CNBD1: variants seen among roughly 807,000 people sequenced by gnomAD.
CNBD1 encodes the protein cyclic nucleotide binding domain containing 1.
A neutral mutation model predicts 54.4 loss-of-function variants in CNBD1; 71 were observed. The ratio of observed to expected loss-of-function variants is 1.30; its 90% CI spans 1.08 to 1.59. The LOEUF (loss-of-function observed/expected upper bound fraction) is 1.59. CNBD1 is among the 40% of genes most tolerant of loss of function. The pLI is 0.00. For missense variants in CNBD1, 659 were observed against 518.0 expected (o/e 1.27, Z -2.64); for synonymous variants, 182 against 170.7 (o/e 1.07, Z -0.51).
intron 4 of CNBD1, among the ~76,000 whole-genome samples, chr8:87,128,294 GC>G (rs1434650053): frequency 6.6e-6 from 1 of 152,198 alleles, no homozygotes; most frequent in East Asian, 1.9e-4. Context: ...TGTAAGACAG[GC>G]CCACTTGGGC....
At chr8:86,875,485 A>G (rs1046201483) in intron 1 of CNBD1, among the ~76,000 whole-genome samples, 3 of 152,238 alleles carry the variant, frequency 2.0e-5, no homozygotes, top group African/African-American at 7.2e-5. Context: ...CACTTTGGCA[A>G]GTACTCTAAT....
At chr8:86,915,064 C>T (rs1222754053) in intron 3 of CNBD1, among the ~76,000 whole-genome samples, 2 of 152,110 alleles carry the variant, frequency 1.3e-5, no homozygotes, top group Non-Finnish European at 2.9e-5. Flanking sequence ...ATCAGTTTCT[C>T]AGAGAATTTG....
At chr8:87,195,222 T>C (rs966937871) in intron 4 of CNBD1, among the ~76,000 whole-genome samples, 4 of 139,354 alleles carry the variant, frequency 2.9e-5, no homozygotes, top group African/African-American at 8.0e-5. Context: ...TTTGAGAAAA[T>C]TGATTTTTTT....
At chr8:87,145,057 T>C (rs745492173) in intron 4 of CNBD1, among the ~76,000 whole-genome samples, 4 of 152,052 alleles carry the variant, frequency 2.6e-5, no homozygotes, top group Non-Finnish European at 5.9e-5. Flanking sequence ...TATTTGCAAA[T>C]ATAATGGGTG....
intron 4 of CNBD1, among the ~76,000 whole-genome samples, chr8:87,060,927 A>G (rs11986813): frequency 0.16 from 23,965 of 152,106 alleles, 3,520 homozygotes; most frequent in African/African-American, 0.4. Flanking sequence ...GTCACCAATA[A>G]ATATTCCTTA....
chr8:87,386,097 C>A (rs1010561369), downstream of CNBD1, among the ~76,000 whole-genome samples: 8 of 152,170 alleles, frequency 5.3e-5, no homozygotes, highest in Non-Finnish European at 8.8e-5. Context: ...GACATCCACA[C>A]CAAAACCCCA....
chr8:87,289,947 C>A (rs1328072918), intron 8 of CNBD1, among the ~76,000 whole-genome samples: 1 of 152,070 alleles, frequency 6.6e-6, no homozygotes, highest in African/African-American at 2.4e-5. Context: ...TTCATTCATC[C>A]TTCACTGGTC....
intron 1 of CNBD1, among the ~76,000 whole-genome samples, chr8:86,872,865 G>A (rs1229216844): frequency 6.6e-6 from 1 of 152,112 alleles, no homozygotes; most frequent in Non-Finnish European, 1.5e-5. Flanking sequence ...TCTCCATTCT[G>A]TGGGTTGTCT....
chr8:87,114,190 C>A (rs1460199194), intron 4 of CNBD1, among the ~76,000 whole-genome samples: 1 of 152,158 alleles, frequency 6.6e-6, no homozygotes, highest in African/African-American at 2.4e-5. Flanking sequence ...AAATTGCTCA[C>A]ACACAAATAA....
chr8:86,942,469 T>C (rs1279506208), intron 4 of CNBD1, among the ~76,000 whole-genome samples: 1 of 152,212 alleles, frequency 6.6e-6, no homozygotes, highest in African/African-American at 2.4e-5. Context: ...TTGGCAGGAT[T>C]CAGTTCCTTG....
In CNBD1 at chr8:87,030,934, CTT is replaced by C. The variant is rs1563441922; in HGVS notation, c.431+91181_431+91182del. On this transcript the variant is annotated intron_variant, in intron 4 of 10. Transcript: ENST00000518476. ...CTCCTCCCCCCCTCCTCCTGCCCCC[CTT>C]CCCCCTCCTCCCCCTCTTCCTCTCC... Among the ~76,000 whole-genome samples the C allele has an allele frequency of 9.7e-3, 1,030 of 106,444 alleles. 33 individuals carry two copies. The highest frequency in any genetic ancestry group is 0.035 in the African/African-American group (933 of 26,456). 69.8% of individuals were successfully genotyped at this position (106,444 alleles called of 152,430 possible).
At chr8:86,980,408 A>G (rs1307178885) in intron 4 of CNBD1, among the ~76,000 whole-genome samples, 1 of 152,248 alleles carries the variant, frequency 6.6e-6, no homozygotes, top group East Asian at 1.9e-4. Flanking sequence ...CCACTTCCTT[A>G]GTGCATATCT....
intron 8 of CNBD1, among the ~76,000 whole-genome samples, chr8:87,303,192 C>A (rs1474197581): frequency 6.7e-6 from 1 of 150,000 alleles, no homozygotes; most frequent in Non-Finnish European, 1.5e-5. Flanking sequence ...AATCCTAAGC[C>A]AAAAGAACAA....
chr8:87,352,986 T>C (rs1251342224), intron 9 of CNBD1, among the ~76,000 whole-genome samples: 1 of 152,156 alleles, frequency 6.6e-6, no homozygotes, highest in Non-Finnish European at 1.5e-5. Context: ...TATATCTTAG[T>C]GGTCATCAAC....
At chr8:87,270,372 T>C (rs1210591433) in intron 6 of CNBD1, among the ~76,000 whole-genome samples, 1 of 152,016 alleles carries the variant, frequency 6.6e-6, no homozygotes, top group Non-Finnish European at 1.5e-5. Flanking sequence ...AAACTCAACA[T>C]TACTAATCAT....
chr8:87,391,922 T>A (rs1325883082), intron 2 of CNBD1, among the ~76,000 whole-genome samples: 1 of 152,006 alleles, frequency 6.6e-6, no homozygotes, highest in African/African-American at 2.4e-5. Flanking sequence ...GTGAGAAAAT[T>A]GCAGATAATT....
At chr8:86,917,951 G>C (rs1453757176) in intron 3 of CNBD1, among the ~76,000 whole-genome samples, 1 of 152,176 alleles carries the variant, frequency 6.6e-6, no homozygotes, top group African/African-American at 2.4e-5. Flanking sequence ...GGAGGAAGAG[G>C]ATCTGTGAGC....
chr8:87,240,546 A>G (rs903681149), intron 6 of CNBD1, among the ~76,000 whole-genome samples: 21 of 152,246 alleles, frequency 1.4e-4, no homozygotes, highest in Admixed American at 6.5e-4. Flanking sequence ...TTTATATCAA[A>G]TTTTCAAACT....
chr8:86,959,049 G>T (rs964934517), intron 4 of CNBD1, among the ~76,000 whole-genome samples: 2 of 152,148 alleles, frequency 1.3e-5, no homozygotes, highest in African/African-American at 4.8e-5. Flanking sequence ...GCCTGGTGGT[G>T]ACAGAATCTC....
Sources: gnomAD v4.1 joint callset for allele counts (sites outside exome capture counted in the v4.1 genomes callset) on GRCh38, gnomAD v4.1.1 for gene constraint, MANE v1.5 for transcripts, NCBI Gene and HGNC (gene_info 2026-07-23, HGNC 2026-07-21) for gene names.